Variants in FUT8 observed in about 807,000 individuals in gnomAD.
FUT8 encodes the protein alpha-(1,6)-fucosyltransferase.
In FUT8, 29 loss-of-function variants were observed where a neutral mutation model predicts 71.3. That is an observed-to-expected ratio of 0.41 (90% CI 0.30 to 0.55). FUT8 has a LOEUF of 0.55. FUT8 is among the 20% of genes least tolerant of loss of function. The pLI is 0.34. For missense variants in FUT8, 544 were observed against 702.1 expected (o/e 0.77, Z 2.55); for synonymous variants, 254 against 239.3 (o/e 1.06, Z -0.57).
intron 1 of FUT8, among the ~76,000 whole-genome samples, chr14:65,454,624 G>C (rs2065872264): frequency 6.6e-6 from 1 of 152,124 alleles, no homozygotes; most frequent in South Asian, 2.1e-4. Flanking sequence ...GAGAAAAACT[G>C]CTTCTCACAA....
Position 65,611,287 on chromosome 14 carries a change from ACACACACACACACAC to A in FUT8, c.204-4689_204-4675del, listed in dbSNP as rs1566851523. Among the ~76,000 whole-genome samples, 74 of 42,322 alleles carry A rather than the reference ACACACACACACACAC, an allele frequency of 1.7e-3. 11 individuals are homozygous for A. Among genetic ancestry groups the A allele is most frequent in the Middle Eastern group, 0.024 (2 of 82 alleles). The allele number at this position is 42,322 out of a possible 152,430, so 27.8% of individuals were successfully genotyped here. ...CACACACACACACACACACACACAC[ACACACACACACACAC>A]CCCCCAAGTAATAGCCTTGATTTTG... On this transcript the variant is annotated intron_variant, in intron 3 of 10. Coordinates refer to ENST00000673929, the MANE Select transcript of FUT8 (RefSeq NM_001371533.1).
the FUT8 span, among the ~76,000 whole-genome samples, chr14:65,364,949 C>T: frequency 1.3e-5 from 2 of 152,170 alleles, no homozygotes; most frequent in Non-Finnish European, 2.9e-5. Context: ...CGTCCACACA[C>T]ACCCCTCATG....
At chr14:65,454,123 T>C (rs1049157574) in intron 1 of FUT8, among the ~76,000 whole-genome samples, 2 of 152,220 alleles carry the variant, frequency 1.3e-5, no homozygotes, top group Non-Finnish European at 2.9e-5. Context: ...CTGTTACCAG[T>C]TATTCCATAA....
intron 3 of FUT8, among the ~76,000 whole-genome samples, chr14:65,575,544 C>T (rs770077566): frequency 6.6e-6 from 1 of 150,994 alleles, no homozygotes; most frequent in Non-Finnish European, 1.5e-5. Context: ...CACTTAGAAC[C>T]AACCTCCCTT....
intron 2 of FUT8, among the ~76,000 whole-genome samples, chr14:65,496,400 T>C (rs547569710): frequency 7.9e-5 from 12 of 152,256 alleles, no homozygotes; most frequent in African/African-American, 2.9e-4. Flanking sequence ...TCTGATATGG[T>C]TAGACTTTGT....
intron 3 of FUT8, among the ~76,000 whole-genome samples, chr14:65,573,735 TAA>T (rs202204988): frequency 2.6e-4 from 36 of 137,624 alleles, no homozygotes; most frequent in Non-Finnish European, 2.4e-4. Context: ...CCCCCATGTC[TAA>T]AAAAAAAAAA....
At chr14:65,703,153 T>C (rs752449490) in intron 7 of FUT8, among the ~76,000 whole-genome samples, 80 of 152,350 alleles carry the variant, frequency 5.3e-4, no homozygotes, top group Non-Finnish European at 5.9e-4. Context: ...TGTCTTTGTT[T>C]TAAGCTCAAA....
chr14:65,513,744 A>G (rs887748185), intron 2 of FUT8, among the ~76,000 whole-genome samples: 1 of 152,234 alleles, frequency 6.6e-6, no homozygotes, highest in Non-Finnish European at 1.5e-5. Flanking sequence ...TTATTTTCAG[A>G]GTAACAATCT....
intron 6 of FUT8, among the ~76,000 whole-genome samples, chr14:65,645,352 C>T (rs983253152): frequency 6.6e-6 from 1 of 152,190 alleles, no homozygotes; most frequent in African/African-American, 2.4e-5. Context: ...TTTTCCCTTA[C>T]ATTTCTTAGC....
chr14:65,402,771 T>G, the FUT8 span, among the ~76,000 whole-genome samples: 2 of 152,110 alleles, frequency 1.3e-5, no homozygotes, highest in African/African-American at 4.8e-5. Flanking sequence ...AGTGCTGGGA[T>G]TTTAGGTGTG....
intron 7 of FUT8, among the ~76,000 whole-genome samples, chr14:65,711,186 GTGAATGAATAAA>G (rs36204043): frequency 0.01 from 1,585 of 152,286 alleles, 29 homozygotes; most frequent in African/African-American, 0.037. Context: ...ATTTAAACAA[GTGAATGAATAAA>G]TGAATGAATA....
chr14:65,729,403 A>T (rs937917324), intron 9 of FUT8, among the ~76,000 whole-genome samples: 2 of 152,172 alleles, frequency 1.3e-5, no homozygotes, highest in Non-Finnish European at 2.9e-5. Context: ...AATATTAGGC[A>T]GTCAGCTTAT....
intron 2 of FUT8, among the ~76,000 whole-genome samples, chr14:65,474,042 G>A (rs1214429325): frequency 6.6e-6 from 1 of 152,008 alleles, no homozygotes; most frequent in Non-Finnish European, 1.5e-5. Flanking sequence ...AAGTAACTCA[G>A]GAATACAAAA....
chr14:65,406,142 T>C (rs115319276), upstream of FUT8, among the ~76,000 whole-genome samples: 1,590 of 152,376 alleles, frequency 0.01, 29 homozygotes, highest in African/African-American at 0.037. Context: ...TCTATCCTAA[T>C]GCATAAAAAT....
intron 2 of FUT8, among the ~76,000 whole-genome samples, chr14:65,538,767 A>G (rs1483660361): frequency 6.6e-6 from 1 of 151,964 alleles, no homozygotes; most frequent in Non-Finnish European, 1.5e-5. Context: ...TAAAAATACA[A>G]AAGTTAAGTG....
intron 7 of FUT8, among the ~76,000 whole-genome samples, chr14:65,703,947 G>C (rs1380750564): frequency 6.6e-6 from 1 of 152,078 alleles, no homozygotes; most frequent in Non-Finnish European, 1.5e-5. Context: ...TTTTGTTTTT[G>C]CTTCCTTTAA....
Position 65,602,343 on chromosome 14 carries a change from T to TCACACACA in FUT8, c.204-13582_204-13575dup, listed in dbSNP as rs1163052408. 1.5e-3 allele frequency among the ~76,000 whole-genome samples: 72 copies of TCACACACA among 48,498 alleles called. 1 individual carries two copies. The highest frequency in any genetic ancestry group is 1.5e-3 in the Non-Finnish European group (37 of 24,940). The allele number at this position is 48,498 out of a possible 152,430, so 31.8% of individuals were successfully genotyped here. ...TCATGGCCGAGTAGCGTTCCATCTC[T>TCACACACA]CACACACACACACACACACACACAC... On this transcript the variant is annotated intron_variant, in intron 3 of 10. Coordinates refer to ENST00000673929, the MANE Select transcript of FUT8 (RefSeq NM_001371533.1).
the FUT8 span, among the ~76,000 whole-genome samples, chr14:65,357,818 C>T: frequency 8.3e-4 from 126 of 152,312 alleles, no homozygotes; most frequent in African/African-American, 2.9e-3. Flanking sequence ...AGCAAAGTGC[C>T]TGGTACACCC....
At chr14:65,377,992 AAGAGAT>A in the FUT8 span, among the ~76,000 whole-genome samples, 14 of 152,210 alleles carry the variant, frequency 9.2e-5, no homozygotes, top group Non-Finnish European at 5.9e-5. Context: ...AAAGACAGAG[AAGAGAT>A]GAGGGGCAGA....
Sources: allele counts gnomAD v4.1 joint callset (sites outside exome capture counted in the v4.1 genomes callset), GRCh38; gene constraint gnomAD v4.1.1; transcripts MANE v1.5; gene names NCBI Gene and HGNC (gene_info 2026-07-23, HGNC 2026-07-21).